RBFOX1: variants seen among roughly 807,000 people sequenced by gnomAD.
RBFOX1 encodes the protein RNA binding fox-1 homolog 1.
Under a neutral mutation model 57.7 loss-of-function variants are expected in RBFOX1, and 8 were observed. The ratio of observed to expected loss-of-function variants is 0.14; its 90% CI spans 0.08 to 0.25. The LOEUF (loss-of-function observed/expected upper bound fraction) is 0.25. Ranked by LOEUF, RBFOX1 falls within the 10% of genes least tolerant of loss-of-function variation. RBFOX1 has a pLI of 1.00. For missense variants in RBFOX1, 611 were observed against 548.5 expected, an observed-to-expected ratio of 1.11 and a Z score of -1.14; for synonymous variants, 326 against 222.4, an observed-to-expected ratio of 1.47 and a Z score of -4.15.
intron 1 of RBFOX1, among the ~76,000 whole-genome samples, chr16:5,277,508 G>A (rs959801066): frequency 2.0e-5 from 3 of 151,958 alleles, no homozygotes; most frequent in African/African-American, 7.3e-5. Context: ...TTAAACACTA[G>A]ATCTTATTCC....
At chr16:5,399,746 A>AT (rs1017981989) in intron 1 of RBFOX1, among the ~76,000 whole-genome samples, 1,818 of 130,332 alleles carry the variant, frequency 0.014, 38 homozygotes, top group African/African-American at 0.05. Flanking sequence ...AAAAAAAAAA[A>AT]TTTTTTTTTT....
chr16:5,770,607 T>G (rs1252038516), intron 3 of RBFOX1, among the ~76,000 whole-genome samples: 1 of 152,228 alleles, frequency 6.6e-6, no homozygotes, highest in African/African-American at 2.4e-5. Flanking sequence ...TGTTCTCTGT[T>G]GCTCTAGTAA....
intron 3 of RBFOX1, among the ~76,000 whole-genome samples, chr16:6,946,424 G>C (rs975727523): frequency 1.3e-5 from 2 of 152,200 alleles, no homozygotes; most frequent in African/African-American, 4.8e-5. Context: ...CCTGAGTTCT[G>C]TGATGAAAAT....
At chr16:6,037,124 G>A (rs1452187194) in intron 1 of RBFOX1, 3 of 152,140 alleles carry the variant, frequency 2.0e-5, no homozygotes, top group African/African-American at 7.2e-5. Flanking sequence ...ATTTATTTGA[G>A]TCACAATCTC....
intron 2 of RBFOX1, among the ~76,000 whole-genome samples, chr16:5,592,116 A>G (rs1431684752): frequency 1.3e-5 from 2 of 152,208 alleles, no homozygotes; most frequent in Non-Finnish European, 2.9e-5. Context: ...AATGTGCATA[A>G]GAGGTATTTG....
chr16:5,570,564 A>T (rs1335882150), intron 2 of RBFOX1, among the ~76,000 whole-genome samples: 1 of 152,122 alleles, frequency 6.6e-6, no homozygotes, highest in African/African-American at 2.4e-5. Flanking sequence ...TTCGGGTTGG[A>T]TGTGGTGGTT....
chr16:6,239,250 C>T (rs2097526884), intron 1 of RBFOX1, among the ~76,000 whole-genome samples: 1 of 152,038 alleles, frequency 6.6e-6, no homozygotes, highest in Non-Finnish European at 1.5e-5. Context: ...TGATGTTCGT[C>T]TTATCTTTAA....
At chr16:5,447,741 C>T (rs976507020) in intron 1 of RBFOX1, among the ~76,000 whole-genome samples, 4 of 152,230 alleles carry the variant, frequency 2.6e-5, no homozygotes, top group African/African-American at 4.8e-5. Flanking sequence ...CAGCTTCTCT[C>T]AGCACGTGAT....
chr16:6,109,421 C>G (rs951536772), intron 1 of RBFOX1, among the ~76,000 whole-genome samples: 5 of 152,026 alleles, frequency 3.3e-5, no homozygotes, highest in Non-Finnish European at 7.4e-5. Flanking sequence ...CTTCTTATTC[C>G]CTGAAAAGCC....
At chr16:5,991,542 A>C (rs934478869) in intron 4 of RBFOX1, among the ~76,000 whole-genome samples, 1 of 152,120 alleles carries the variant, frequency 6.6e-6, no homozygotes, top group South Asian at 2.1e-4. Flanking sequence ...TCGTGGCTGG[A>C]TAGGAGCTGG....
At chr16:6,126,182 A>C (rs1452257153) in intron 1 of RBFOX1, among the ~76,000 whole-genome samples, 2 of 152,220 alleles carry the variant, frequency 1.3e-5, no homozygotes, top group African/African-American at 4.8e-5. Context: ...GTAATGGAGA[A>C]TTACACCAAA....
At chr16:5,846,285 A>G (rs143350394) in intron 3 of RBFOX1, among the ~76,000 whole-genome samples, 2,313 of 152,098 alleles carry the variant, frequency 0.015, 38 homozygotes, top group South Asian at 0.061. Context: ...GAAAGAAGAG[A>G]GTGGAGAAAA....
chr16:6,937,987 G>C (rs568269321), intron 3 of RBFOX1, among the ~76,000 whole-genome samples: 1 of 105,588 alleles, frequency 9.5e-6, no homozygotes, highest in Admixed American at 1.3e-4. Flanking sequence ...GGGTGGGGGT[G>C]GGGGGTGGGC....
intron 3 of RBFOX1, among the ~76,000 whole-genome samples, chr16:5,806,453 C>G (rs1055624771): frequency 6.6e-6 from 1 of 152,148 alleles, no homozygotes; most frequent in Non-Finnish European, 1.5e-5. Context: ...TTGCCTCCAG[C>G]CCTGTTACAA....
At chr16:6,463,735 A>T (rs1018323432) in intron 2 of RBFOX1, among the ~76,000 whole-genome samples, 4 of 152,208 alleles carry the variant, frequency 2.6e-5, no homozygotes, top group South Asian at 2.1e-4. Flanking sequence ...CAGCAGAAAG[A>T]TGCTTACTAA....
intron 3 of RBFOX1, among the ~76,000 whole-genome samples, chr16:6,874,259 C>G (rs1231973195): frequency 1.3e-5 from 2 of 152,040 alleles, no homozygotes; most frequent in Non-Finnish European, 2.9e-5. Context: ...CTTGTAATCC[C>G]AGCACTTCGG....
At chr16:6,899,668 G>C (rs942085352) in intron 3 of RBFOX1, among the ~76,000 whole-genome samples, 6 of 152,210 alleles carry the variant, frequency 3.9e-5, no homozygotes, top group Non-Finnish European at 7.3e-5. Context: ...CCTCAAGCAA[G>C]TGTCAATTGG....
At chr16:5,406,602 A>G (rs915170918) in intron 1 of RBFOX1, among the ~76,000 whole-genome samples, 2 of 152,014 alleles carry the variant, frequency 1.3e-5, no homozygotes, top group East Asian at 1.9e-4. Context: ...ATATATATGT[A>G]TATATATTCA....
chr16:7,637,788 T>C (rs1011906039), intron 11 of RBFOX1, among the ~76,000 whole-genome samples: 3 of 152,136 alleles, frequency 2.0e-5, no homozygotes, highest in Admixed American at 1.3e-4. Flanking sequence ...AATAACTAGC[T>C]CCGGGACTAG....
Sources: allele counts gnomAD v4.1 joint callset (sites outside exome capture counted in the v4.1 genomes callset), GRCh38; gene constraint gnomAD v4.1.1; transcripts MANE v1.5; gene names NCBI Gene and HGNC (gene_info 2026-07-23, HGNC 2026-07-21).